PUS10: variants seen among roughly 807,000 people sequenced by gnomAD.
The protein encoded by PUS10 is tRNA pseudouridine synthase Pus10.
In PUS10, 59 loss-of-function variants were observed where a neutral mutation model predicts 75.0. That is an observed-to-expected ratio of 0.79 (90% CI 0.64 to 0.98). The LOEUF is 0.98. Among genes scored for constraint, PUS10 ranks in the 50% least tolerant of loss-of-function variants. The pLI is 0.00. For synonymous variants in PUS10, 219 were observed against 211.6 expected, an observed-to-expected ratio of 1.03 and a Z score of -0.30; for missense variants, 650 against 614.4, an observed-to-expected ratio of 1.06 and a Z score of -0.61.
At chr2:60,993,555 G>A (rs1259408965) in intron 4 of PUS10, among the ~76,000 whole-genome samples, 1 of 152,108 alleles carries the variant, frequency 6.6e-6, no homozygotes, top group Non-Finnish European at 1.5e-5. Flanking sequence ...TAATGGCAAG[G>A]AGAAAGATAC....
rs192385179 is a variant in PUS10 at position 60,972,516 on chromosome 2, T to C, written c.469-959A>G. On this transcript the variant is annotated intron_variant, in intron 4 of 17. Transcript: ENST00000316752. The stretch of plus-strand genomic sequence containing the variant: ...AGAAATGTATGCCAAATGCTTTGCA[T>C]AGTAAGTGACTGACACTGAGATTTC... Among the ~76,000 whole-genome samples, 504 of 152,174 alleles carry C rather than the reference T, an allele frequency of 3.3e-3. 1 individual carries two copies. The highest frequency in any genetic ancestry group is 4.3e-3 in the Non-Finnish European group (295 of 67,994).
intron 9 of PUS10, among the ~76,000 whole-genome samples, chr2:60,962,155 T>C (rs1558895130): frequency 6.6e-6 from 1 of 152,262 alleles, no homozygotes; most frequent in Non-Finnish European, 1.5e-5. Context: ...GGACTAAGGA[T>C]GTAATAGGCA....
intron 4 of PUS10, among the ~76,000 whole-genome samples, chr2:60,997,654 C>A (rs1678568587): frequency 6.6e-6 from 1 of 151,270 alleles, no homozygotes; most frequent in Admixed American, 6.6e-5. Context: ...GCTCTTTTCC[C>A]ATAAATGGAA....
chr2:61,007,875 G>A (rs1019077983), intron 3 of PUS10, among the ~76,000 whole-genome samples: 6 of 151,320 alleles, frequency 4.0e-5, no homozygotes, highest in Admixed American at 6.6e-5. Flanking sequence ...GAGGTCAAGA[G>A]ATTAAGACCA....
intron 4 of PUS10, among the ~76,000 whole-genome samples, chr2:60,975,865 G>C (rs1040960096): frequency 2.0e-5 from 3 of 151,846 alleles, no homozygotes; most frequent in African/African-American, 7.3e-5. Context: ...CGTTTCAAAC[G>C]ATTCTCCTGC....
rs752777258 is a variant in PUS10 at position 60,971,481 on chromosome 2, G to C, written c.503+42C>G. 17 of 1,552,682 alleles carry C rather than the reference G, an allele frequency of 1.1e-5. No individual in the cohort carries two copies. The South Asian group carries it at 1.9e-4, about 17-fold the overall frequency. ...AAGTGCTTTAAGAACCAGGTAGCTT[G>C]TATTTGAATGGTAGTAAAAATTCCC... is the stretch of plus-strand genomic sequence containing the variant. On this transcript the variant is annotated intron_variant, in intron 5 of 17. Coordinates refer to ENST00000316752, the MANE Select transcript of PUS10 (RefSeq NM_144709.4).
At chr2:60,953,246 T>C in intron 14 of PUS10, 132 bp from the exon 15 acceptor site, 1 of 636,218 alleles carries the variant, frequency 1.6e-6, no homozygotes, top group Non-Finnish European at 2.8e-6. Flanking sequence ...CAATGATTTT[T>C]AGTATGTTTT....
At chr2:60,977,483 G>C in intron 4 of PUS10, among the ~76,000 whole-genome samples, 1 of 152,080 alleles carries the variant, frequency 6.6e-6, no homozygotes, top group East Asian at 1.9e-4. Flanking sequence ...CAAGACTCGC[G>C]GCAGCACAAA....
chr2:61,014,191 C>T (rs1007054243), intron 1 of PUS10, among the ~76,000 whole-genome samples: 4 of 151,950 alleles, frequency 2.6e-5, no homozygotes, highest in African/African-American at 4.8e-5. Context: ...CTGGCCAACA[C>T]GGTAAAACCC....
At chr2:60,961,681 A>G in intron 9 of PUS10, 133 bp from the exon 10 acceptor site, 2 of 739,034 alleles carry the variant, frequency 2.7e-6, no homozygotes, top group Non-Finnish European at 4.7e-6. Flanking sequence ...GCAACAATAC[A>G]GGTCTTGCAG....
intron 1 of PUS10, among the ~76,000 whole-genome samples, chr2:61,014,716 C>T (rs1236175999): frequency 1.3e-5 from 2 of 152,228 alleles, no homozygotes; most frequent in East Asian, 1.9e-4. Context: ...TAAAGATGAA[C>T]GACAGTGGCA....
chr2:60,945,490 A>G (rs1180985977), intron 16 of PUS10, among the ~76,000 whole-genome samples: 2 of 152,226 alleles, frequency 1.3e-5, no homozygotes, highest in Admixed American at 6.5e-5. Flanking sequence ...AATAATGGCA[A>G]CTGTCACCTG....
At chr2:60,964,652 A>T (rs1300760241) in intron 8 of PUS10, among the ~76,000 whole-genome samples, 2 of 152,238 alleles carry the variant, frequency 1.3e-5, no homozygotes, top group Non-Finnish European at 2.9e-5. Context: ...TATATTCTAA[A>T]CATTGATTTC....
rs557412394 is a variant in PUS10 at position 60,967,484 on chromosome 2, A to T, written c.615+18T>A. ...GTAAAATCAGAGAATAAAATTAACA[A>T]TGCTGTTGACCCAATACCTTTCCAT... is the stretch of plus-strand genomic sequence containing the variant. On this transcript the variant is annotated intron_variant, in intron 6 of 17. Transcript: ENST00000316752. 1 of 1,445,392 alleles carries T rather than the reference A, an allele frequency of 6.9e-7. No homozygotes were observed. The highest frequency in any genetic ancestry group is 9.6e-7 in the Non-Finnish European group (1 of 1,040,650). 89.5% of individuals were successfully genotyped at this position (1,445,392 alleles called of 1,614,324 possible). A position where few individuals can be genotyped will look rare whatever the true frequency, so the allele number is the denominator to read the frequency against.
intron 2 of PUS10, chr2:61,010,108 CAAACG>C (rs960525083): frequency 6.6e-6 from 1 of 152,070 alleles, no homozygotes; most frequent in Non-Finnish European, 1.5e-5. Flanking sequence ...TAAAATGAAA[CAAACG>C]AAAGTTGATA....
chr2:61,006,468 T>C (rs1679217379), intron 4 of PUS10, 89 bp downstream of exon 4: 3 of 947,972 alleles, frequency 3.2e-6, no homozygotes, highest in South Asian at 1.5e-5. Flanking sequence ...AAAAATATAA[T>C]AGAGTAAGGA....
chr2:61,016,474 T>G (rs1679985145), intron 1 of PUS10, among the ~76,000 whole-genome samples: 1 of 152,224 alleles, frequency 6.6e-6, no homozygotes, highest in Non-Finnish European at 1.5e-5. Context: ...TTAGATTTAT[T>G]ATGTTTGAAA....
At chr2:60,953,158 T>A (rs369200821) in intron 14 of PUS10, 44 bp from the exon 15 acceptor site, 1 of 1,096,118 alleles carries the variant, frequency 9.1e-7, no homozygotes, top group Non-Finnish European at 1.4e-6. Context: ...ATAAACAAAA[T>A]ACAAAAAAAC....
At chr2:60,996,925 T>TAA (rs1678503782) in intron 4 of PUS10, among the ~76,000 whole-genome samples, 2 of 152,240 alleles carry the variant, frequency 1.3e-5, no homozygotes, top group African/African-American at 4.8e-5. Flanking sequence ...GGTTTACACT[T>TAA]GGGTGGTGGC....
Sources: gnomAD v4.1 joint callset for allele counts (sites outside exome capture counted in the v4.1 genomes callset) on GRCh38, gnomAD v4.1.1 for gene constraint, MANE v1.5 for transcripts, NCBI Gene and HGNC (gene_info 2026-07-23, HGNC 2026-07-21) for gene names.